MRPL42: variants seen among roughly 807,000 people sequenced by gnomAD.
The protein encoded by MRPL42 is mitochondrial ribosomal protein L42.
In MRPL42, 17 loss-of-function variants were observed where a neutral mutation model predicts 17.9. The observed-to-expected ratio is 0.95, with a 90% CI of 0.65 to 1.42. MRPL42 has a LOEUF of 1.42. Among genes scored for constraint, MRPL42 ranks in the 40% most tolerant of loss-of-function variants. The pLI is 0.00. For synonymous variants in MRPL42, 59 were observed against 54.4 expected, an observed-to-expected ratio of 1.08 and a Z score of -0.37; for missense variants, 177 against 175.2, an observed-to-expected ratio of 1.01 and a Z score of -0.06.
At chr12:93,491,562 T>G (rs1953414729) in intron 5 of MRPL42, among the ~76,000 whole-genome samples, 3 of 152,246 alleles carry the variant, frequency 2.0e-5, no homozygotes, top group Non-Finnish European at 4.4e-5. Flanking sequence ...TATATGTATG[T>G]ATGTATTTTA....
chr12:93,477,250 A>G (rs1389545173), intron 3 of MRPL42, among the ~76,000 whole-genome samples: 1 of 152,246 alleles, frequency 6.6e-6, no homozygotes, highest in Non-Finnish European at 1.5e-5. Flanking sequence ...TATAAGACAG[A>G]CATGCTGTTT....
At chr12:93,487,458 C>A (rs370958749) in intron 4 of MRPL42, 39 bp from the exon 5 acceptor site, 135 of 1,558,776 alleles carry the variant, frequency 8.7e-5, no homozygotes, top group Non-Finnish European at 1.1e-4. Context: ...GGCTAACATT[C>A]CCACATCTTC....
chr12:93,487,192 G>A (rs1302676982), intron 4 of MRPL42, among the ~76,000 whole-genome samples: 1 of 150,852 alleles, frequency 6.6e-6, no homozygotes, highest in African/African-American at 2.4e-5. Flanking sequence ...GGAACTCCTG[G>A]GCTCAAGTGA....
In MRPL42 at chr12:93,503,506, G is replaced by A. The variant is rs982554454; in HGVS notation, c.*2285G>A. 6.6e-6 allele frequency: 1 copy of A among 151,578 alleles called. No individual in the cohort carries two copies. The highest frequency in any genetic ancestry group is 1.5e-5 in the Non-Finnish European group (1 of 67,950). The allele number at this position is 151,578 out of a possible 1,614,324, so 9.4% of individuals were successfully genotyped here. A position where few individuals can be genotyped will look rare whatever the true frequency, so the allele number is the denominator to read the frequency against. Reference sequence around the variant, plus strand: ...AGCAATCCTCCCACCGCAGCCTCCCGAATTGCTGAGACTACACATGTGTGC... The same window carrying A: ...AGCAATCCTCCCACCGCAGCCTCCCAAATTGCTGAGACTACACATGTGTGC... On this transcript the variant is annotated 3_prime_UTR_variant, in exon 6 of 6. Transcript: ENST00000549982.
At chr12:93,469,033 G>A (rs908907584) in intron 1 of MRPL42, among the ~76,000 whole-genome samples, 159 bp from the exon 2 acceptor site, 1 of 152,116 alleles carries the variant, frequency 6.6e-6, no homozygotes, top group African/African-American at 2.4e-5. Flanking sequence ...TGTCCATGTC[G>A]CTCTTCGTCC....
At chr12:93,491,631 G>A (rs1188307004) in intron 5 of MRPL42, among the ~76,000 whole-genome samples, 1 of 151,622 alleles carries the variant, frequency 6.6e-6, no homozygotes, top group East Asian at 1.9e-4. Context: ...TTTTTTTTTT[G>A]TTGTTTTATT....
At chr12:93,494,149 T>G (rs1487399917) in intron 5 of MRPL42, among the ~76,000 whole-genome samples, 2 of 151,036 alleles carry the variant, frequency 1.3e-5, no homozygotes, top group Non-Finnish European at 2.9e-5. Flanking sequence ...TAGGTAGTTG[T>G]AGGCCTAGAG....
At chr12:93,470,849 C>T (rs1311829797) in intron 2 of MRPL42, among the ~76,000 whole-genome samples, 2 of 152,204 alleles carry the variant, frequency 1.3e-5, no homozygotes, top group African/African-American at 2.4e-5. Context: ...ACATATTCTT[C>T]CAGTCCACCA....
chr12:93,488,105 G>A (rs931522227), intron 5 of MRPL42, among the ~76,000 whole-genome samples: 1 of 152,056 alleles, frequency 6.6e-6, no homozygotes, highest in Non-Finnish European at 1.5e-5. Flanking sequence ...TGAGTAGCTG[G>A]GACTACAGGC....
In MRPL42 at chr12:93,510,293, C is replaced by T. The variant is rs1279470760; in HGVS notation, c.*9072C>T. On this transcript the variant is annotated 3_prime_UTR_variant, in exon 6 of 6. Coordinates refer to ENST00000549982, the MANE Select transcript of MRPL42 (RefSeq NM_014050.4). Reference sequence around the variant, plus strand: ...TTGATAGCTCATTTCTTTTTAGCATCGAGTAATACTCCATTGTCTGGGTGT... The same window carrying T: ...TTGATAGCTCATTTCTTTTTAGCATTGAGTAATACTCCATTGTCTGGGTGT... The T allele has an allele frequency of 3.3e-5, 5 of 152,120 alleles. No individual in the cohort carries two copies. Among genetic ancestry groups the T allele is most frequent in the Admixed American group, 6.5e-5 (1 of 15,270 alleles). The allele number at this position is 152,120 out of a possible 1,614,324, so 9.4% of individuals were successfully genotyped here.
chr12:93,494,848 A>G (rs1435440719), intron 5 of MRPL42, among the ~76,000 whole-genome samples: 2 of 152,228 alleles, frequency 1.3e-5, no homozygotes, highest in Non-Finnish European at 2.9e-5. Context: ...AAGATAGTAT[A>G]TTAACTTTAG....
intron 3 of MRPL42, among the ~76,000 whole-genome samples, chr12:93,477,315 T>C (rs1340586599): frequency 6.6e-6 from 1 of 152,210 alleles, no homozygotes; most frequent in African/African-American, 2.4e-5. Context: ...AAAAGTTAAT[T>C]AGTTTTTATA....
rs1953684692 is a variant in MRPL42, at chr12:93,507,598, C to T, written c.*6377C>T. The T allele has an allele frequency of 6.6e-6, 1 of 152,172 alleles. No homozygotes were observed. The highest frequency in any genetic ancestry group is 1.9e-4 in the East Asian group (1 of 5,198). 9.4% of individuals were successfully genotyped at this position (152,172 alleles called of 1,614,324 possible). The stretch of plus-strand genomic sequence containing the variant: ...AATCTTTCATTAGTTTGCGTTCTTC[C>T]AGGTAATTCTTATAGTCTGGATCCA... On this transcript the variant is annotated 3_prime_UTR_variant, in exon 6 of 6. Transcript: ENST00000549982.
chr12:93,505,837 G>C lies in MRPL42; in HGVS notation c.*4616G>C, dbSNP rs1014654289. ...GCTTGTAAATGAGCTCCTGTTTTTA[G>C]ATGGAGAAATGGAGGCAGAGTCTCA... On this transcript the variant is annotated 3_prime_UTR_variant, in exon 6 of 6. Coordinates refer to ENST00000549982, the MANE Select transcript of MRPL42 (RefSeq NM_014050.4). 1 of 151,310 alleles carries C rather than the reference G, an allele frequency of 6.6e-6. No individual in the cohort carries two copies. The highest frequency in any genetic ancestry group is 1.5e-5 in the Non-Finnish European group (1 of 67,892). 9.4% of individuals were successfully genotyped at this position (151,310 alleles called of 1,614,324 possible).
rs1483057953 is a variant in MRPL42 at position 93,506,751 on chromosome 12, A to G, written c.*5530A>G. The G allele has an allele frequency of 2.6e-5, 4 of 152,128 alleles. No homozygotes were observed. Among genetic ancestry groups the G allele is most frequent in the Non-Finnish European group, 5.9e-5 (4 of 68,022 alleles). The allele number at this position is 152,128 out of a possible 1,614,324, so 9.4% of individuals were successfully genotyped here. A position where few individuals can be genotyped will look rare whatever the true frequency, so the allele number is the denominator to read the frequency against. On this transcript the variant is annotated 3_prime_UTR_variant, in exon 6 of 6. Coordinates refer to ENST00000549982, the MANE Select transcript of MRPL42 (RefSeq NM_014050.4). Reference sequence around the variant, plus strand: ...AAAATTAGTCTCTTCTTCACTCATAATGCAAAGTACATTGGATTACTATTA... The same window carrying G: ...AAAATTAGTCTCTTCTTCACTCATAGTGCAAAGTACATTGGATTACTATTA...
At chr12:93,489,019 T>C (rs1175314341) in intron 5 of MRPL42, among the ~76,000 whole-genome samples, 3 of 152,164 alleles carry the variant, frequency 2.0e-5, no homozygotes, top group African/African-American at 7.2e-5. Flanking sequence ...TTCTTAGTTG[T>C]TTAACTCAGT....
intron 5 of MRPL42, among the ~76,000 whole-genome samples, chr12:93,499,773 A>G (rs574619331): frequency 6.6e-6 from 1 of 152,308 alleles, no homozygotes; most frequent in African/African-American, 2.4e-5. Flanking sequence ...CAAATTTTCA[A>G]AAATAAAATC....
At chr12:93,486,840 T>G (rs1880764349) in intron 4 of MRPL42, among the ~76,000 whole-genome samples, 1 of 151,980 alleles carries the variant, frequency 6.6e-6, no homozygotes, top group Non-Finnish European at 1.5e-5. Flanking sequence ...TTTTTTTTAT[T>G]TGTAGTAGAG....
Position 93,515,374 on chromosome 12 carries a change from T to C in MRPL42, c.*14153T>C, listed in dbSNP as rs1409895592. 6.6e-6 allele frequency: 1 copy of C among 151,634 alleles called. No homozygotes were observed. The highest frequency in any genetic ancestry group is 1.5e-5 in the Non-Finnish European group (1 of 67,868). The allele number at this position is 151,634 out of a possible 1,614,324, so 9.4% of individuals were successfully genotyped here. On this transcript the variant is annotated 3_prime_UTR_variant, in exon 6 of 6. Coordinates refer to ENST00000549982, the MANE Select transcript of MRPL42 (RefSeq NM_014050.4). ...TTAATAGGCCTTGGCAACTATTTTT[T>C]TTTTTTTTTTTTGAGACAGAGACTT...
Sources: gnomAD v4.1 joint callset for allele counts (sites outside exome capture counted in the v4.1 genomes callset) on GRCh38, gnomAD v4.1.1 for gene constraint, MANE v1.5 for transcripts, NCBI Gene and HGNC (gene_info 2026-07-23, HGNC 2026-07-21) for gene names.